TRIM27: variants seen among roughly 807,000 people sequenced by gnomAD.
TRIM27 encodes the protein tripartite motif containing 27.
In TRIM27, 12 loss-of-function variants were observed where a neutral mutation model predicts 57.6. The ratio of observed to expected loss-of-function variants is 0.21; its 90% CI spans 0.13 to 0.34. TRIM27 has a LOEUF of 0.34. Ranked by LOEUF, TRIM27 falls within the 10% of genes least tolerant of loss-of-function variation. TRIM27 has a pLI of 1.00. For synonymous variants in TRIM27, 266 were observed against 259.0 expected, an observed-to-expected ratio of 1.03 and a Z score of -0.26; for missense variants, 403 against 656.8, an observed-to-expected ratio of 0.61 and a Z score of 4.22.
chr6:28,906,883 AGTCCTGCTT>A (rs1264727164), intron 7 of TRIM27: 2 of 223,826 alleles, frequency 8.9e-6, no homozygotes, highest in African/African-American at 4.6e-5. Flanking sequence ...GAGCTCAATC[AGTCCTGCTT>A]GTCACAAACC....
In TRIM27 at chr6:28,923,649, G is replaced by T; in HGVS notation, c.-17C>A. 1.3e-6 allele frequency: 2 copies of T among 1,539,962 alleles called. No homozygotes were observed. Among genetic ancestry groups the T allele is most frequent in the Non-Finnish European group, 1.8e-6 (2 of 1,139,690 alleles). Reference sequence around the variant, plus strand: ...GGAGGCCATGGCGCCGGCCTGCGGGGGCGCACGGGCATGGGCCCCGGCGCC... The same window carrying T: ...GGAGGCCATGGCGCCGGCCTGCGGGTGCGCACGGGCATGGGCCCCGGCGCC... On this transcript the variant is annotated 5_prime_UTR_variant, in exon 1 of 8. Coordinates refer to ENST00000377199, the MANE Select transcript of TRIM27 (RefSeq NM_006510.5).
intron 3 of TRIM27, chr6:28,915,205 CCTTACT>C (rs1773510142): frequency 1.3e-5 from 2 of 151,448 alleles, no homozygotes; most frequent in African/African-American, 4.9e-5. Flanking sequence ...GCCCCTCCTC[CCTTACT>C]GAGTCCATGA....
At chr6:28,911,409 C>A in intron 4 of TRIM27, 1 of 366,386 alleles carries the variant, frequency 2.7e-6, no homozygotes, top group Non-Finnish European at 4.8e-6. Flanking sequence ...ACATAAACTA[C>A]CCTTATATTC....
chr6:28,910,472 G>C (rs1189656189), intron 4 of TRIM27, among the ~76,000 whole-genome samples: 2 of 152,170 alleles, frequency 1.3e-5, no homozygotes, highest in Non-Finnish European at 1.5e-5. Flanking sequence ...TGGGATTACA[G>C]GCATGCACCA....
At chr6:28,923,175 C>G in intron 1 of TRIM27, 38 bp downstream of exon 1, 4 of 1,506,738 alleles carry the variant, frequency 2.7e-6, no homozygotes, top group South Asian at 2.5e-5. Flanking sequence ...TCCCTTTGTC[C>G]GACTCGCGCT....
chr6:28,904,760 T>TGG lies in TRIM27; in HGVS notation c.947-96_947-95insCC, dbSNP rs1174918332. 2.4e-6 allele frequency: 2 copies of TGG among 824,764 alleles called. No individual in the cohort carries two copies. The highest frequency in any genetic ancestry group is 5.8e-5 in the Admixed American group (2 of 34,742). 51.1% of individuals were successfully genotyped at this position (824,764 alleles called of 1,614,324 possible). On this transcript the variant is annotated intron_variant, in intron 7 of 7. Transcript: ENST00000377199. The surrounding 1 kb of genome is among the most constrained non-coding windows in gnomAD (Gnocchi z 6.1). ...CTACTACCTCCCCAATAATAAGAGG[T>TGG]TCCCACTGGAGGTTGCACGTATTTT...
intron 3 of TRIM27, among the ~76,000 whole-genome samples, chr6:28,916,459 G>A (rs1773615052): frequency 6.6e-6 from 1 of 151,960 alleles, no homozygotes; most frequent in African/African-American, 2.4e-5. Flanking sequence ...GGCTGAGGCA[G>A]GAGAATCGCT....
intron 3 of TRIM27, chr6:28,915,517 G>A (rs1007044135): frequency 2.6e-5 from 4 of 152,206 alleles, no homozygotes; most frequent in African/African-American, 9.7e-5. Flanking sequence ...GCTGAGGCAG[G>A]AGACTCACTC....
intron 4 of TRIM27, among the ~76,000 whole-genome samples, chr6:28,910,300 T>C (rs1465641318): frequency 1.3e-5 from 2 of 151,484 alleles, no homozygotes; most frequent in Non-Finnish European, 2.9e-5. Flanking sequence ...GTTACCACAC[T>C]AGCCACAGAC....
chr6:28,904,730 C>T lies in TRIM27; in HGVS notation c.947-65G>A. 8.2e-7 allele frequency: 1 copy of T among 1,220,640 alleles called. No individual in the cohort carries two copies. The highest frequency in any genetic ancestry group is 1.1e-6 in the Non-Finnish European group (1 of 885,454). 75.6% of individuals were successfully genotyped at this position (1,220,640 alleles called of 1,614,324 possible). On this transcript the variant is annotated intron_variant, in intron 7 of 7. Transcript: ENST00000377199. The surrounding 1 kb of genome is among the most constrained non-coding windows in gnomAD (Gnocchi z 6.1). ...AGAGCCTATTTTAGAACACCCAGCG[C>T]CTTTCTACTACCTCCCCAATAATAA...
intron 3 of TRIM27, among the ~76,000 whole-genome samples, chr6:28,918,063 T>C (rs1041204744): frequency 6.6e-6 from 1 of 152,098 alleles, no homozygotes; most frequent in South Asian, 2.1e-4. Context: ...CGACCTCAGG[T>C]GATCTGCCCA....
At chr6:28,920,327 A>G in intron 2 of TRIM27, 85 bp from the exon 3 acceptor site, 2 of 1,179,438 alleles carry the variant, frequency 1.7e-6, no homozygotes, top group Admixed American at 2.3e-5. Context: ...CATGTAGCCC[A>G]AGACCTCATT....
intron 6 of TRIM27, chr6:28,908,513 T>C: frequency 2.4e-6 from 1 of 411,452 alleles, no homozygotes; most frequent in Non-Finnish European, 4.3e-6. Context: ...TAGTTTTTGT[T>C]CATTCTTTCC....
At chr6:28,913,331 A>G (rs960925506) in intron 3 of TRIM27, among the ~76,000 whole-genome samples, 6 of 150,370 alleles carry the variant, frequency 4.0e-5, no homozygotes, top group Non-Finnish European at 8.9e-5. Flanking sequence ...AGATATATAT[A>G]ATAGTTTTGT....
chr6:28,905,170 A>T (rs1477949077), intron 7 of TRIM27: 1 of 153,654 alleles, frequency 6.5e-6, no homozygotes, highest in African/African-American at 2.4e-5. Flanking sequence ...TCAACTTCCC[A>T]AAGCAATGGG....
Position 28,904,069 on chromosome 6 carries a change from C to T in TRIM27, c.*1G>A. 1 of 1,611,858 alleles carries T rather than the reference C, an allele frequency of 6.2e-7. No homozygotes were observed. The highest frequency in any genetic ancestry group is 8.5e-7 in the Non-Finnish European group (1 of 1,179,298). ...AGCCCTTTTGGCCTGAATTCACCTC[C>T]TCAAGGGGAGGTCTCCATGGAATGA... is the stretch of plus-strand genomic sequence containing the variant. On this transcript the variant is annotated 3_prime_UTR_variant, in exon 8 of 8. Coordinates refer to ENST00000377199, the MANE Select transcript of TRIM27 (RefSeq NM_006510.5). The surrounding 1 kb of genome is among the most constrained non-coding windows in gnomAD (Gnocchi z 6.1).
intron 3 of TRIM27, among the ~76,000 whole-genome samples, chr6:28,915,939 T>C (rs1313093259): frequency 1.3e-5 from 2 of 152,146 alleles, no homozygotes; most frequent in Non-Finnish European, 2.9e-5. Flanking sequence ...TTTTTTGAGA[T>C]GGAGTCTCAT....
intron 3 of TRIM27, among the ~76,000 whole-genome samples, chr6:28,911,983 T>G (rs779595266): frequency 3.9e-5 from 6 of 152,222 alleles, no homozygotes; most frequent in Non-Finnish European, 7.3e-5. Flanking sequence ...GATTTCAAAT[T>G]TACTAACTTA....
chr6:28,909,112 A>ATTT, intron 4 of TRIM27, 24 bp from the exon 5 acceptor site: 51 of 1,262,032 alleles, frequency 4.0e-5, no homozygotes, highest in Admixed American at 8.9e-5. Context: ...ACATGAGTAA[A>ATTT]TTTTTTTTTT....
Sources: allele counts gnomAD v4.1 joint callset (sites outside exome capture counted in the v4.1 genomes callset), GRCh38; gene constraint gnomAD v4.1.1; non-coding constraint Gnocchi (gnomAD v3.1); transcripts MANE v1.5; gene names NCBI Gene and HGNC (gene_info 2026-07-23, HGNC 2026-07-21).